Variants in CDH13 observed in about 807,000 individuals in gnomAD.
The protein encoded by CDH13 is cadherin 13.
In CDH13, 24 loss-of-function variants were observed where a neutral mutation model predicts 63.8. The ratio of observed to expected loss-of-function variants is 0.38; its 90% CI spans 0.27 to 0.53. The LOEUF (loss-of-function observed/expected upper bound fraction) is 0.53, where lower values mean the gene tolerates loss of function less well. Among genes scored for constraint, CDH13 ranks in the 20% least tolerant of loss-of-function variants. The pLI, the probability that CDH13 is intolerant of heterozygous loss-of-function variation, is 0.85. For missense variants in CDH13, 1,049 were observed against 903.1 expected (o/e 1.16, Z -2.07); for synonymous variants, 503 against 355.3 (o/e 1.42, Z -4.67).
At chr16:82,845,104 G>C (rs1216802120) in intron 1 of CDH13, among the ~76,000 whole-genome samples, 1 of 152,140 alleles carries the variant, frequency 6.6e-6, no homozygotes, top group Non-Finnish European at 1.5e-5. Context: ...CAGGAAGCAG[G>C]AGTAAGGAAG....
At chr16:82,691,548 C>G (rs561285504) in intron 1 of CDH13, among the ~76,000 whole-genome samples, 16 of 152,258 alleles carry the variant, frequency 1.1e-4, no homozygotes, top group African/African-American at 3.4e-4. Context: ...CTCTGTCTCA[C>G]TTACTACTTG....
At chr16:83,636,233 T>C (rs1409913459) in intron 8 of CDH13, among the ~76,000 whole-genome samples, 1 of 152,238 alleles carries the variant, frequency 6.6e-6, no homozygotes, top group Non-Finnish European at 1.5e-5. Context: ...AGAGTAAGGC[T>C]TCACATCAAG....
Position 83,588,175 on chromosome 16 carries a change from C to G in CDH13, c.961-14279C>G, listed in dbSNP as rs535761282. Among the ~76,000 whole-genome samples the G allele has an allele frequency of 2.2e-4, 33 of 152,282 alleles. No individual in the cohort carries two copies. The South Asian group carries it at 6.6e-3, about 31-fold the overall frequency. On this transcript the variant is annotated intron_variant, in intron 7 of 13. Coordinates refer to ENST00000567109, the MANE Select transcript of CDH13 (RefSeq NM_001257.5). ...GCCTCCCTCTGCATAGACACCTCTC[C>G]AAAGGAGAAGGACCTTCCCTGCACA...
At chr16:82,646,634 A>G (rs1910127233) in intron 1 of CDH13, among the ~76,000 whole-genome samples, 1 of 152,202 alleles carries the variant, frequency 6.6e-6, no homozygotes, top group Admixed American at 6.5e-5. Context: ...TCTTCTATGA[A>G]GTGTGGGTTG....
At chr16:83,406,399 AC>A (rs2092045141) in intron 6 of CDH13, among the ~76,000 whole-genome samples, 1 of 148,744 alleles carries the variant, frequency 6.7e-6, no homozygotes, top group African/African-American at 2.5e-5. Flanking sequence ...TTAGAATGGA[AC>A]CCCAGCTCTC....
chr16:83,299,053 T>C (rs1407667592), intron 5 of CDH13, among the ~76,000 whole-genome samples: 1 of 152,214 alleles, frequency 6.6e-6, no homozygotes, highest in Admixed American at 6.5e-5. Flanking sequence ...GCAATGTCAG[T>C]ATATCTCCTT....
chr16:83,007,918 A>G (rs978414771), intron 2 of CDH13, among the ~76,000 whole-genome samples: 1 of 152,102 alleles, frequency 6.6e-6, no homozygotes, highest in South Asian at 2.1e-4. Context: ...TACTTGGCCA[A>G]ACAACATTAA....
chr16:83,762,324 G>T (rs376363076), intron 11 of CDH13, among the ~76,000 whole-genome samples: 1 of 152,080 alleles, frequency 6.6e-6, no homozygotes, highest in Non-Finnish European at 1.5e-5. Context: ...TCAGAGTACA[G>T]GCACTCTTTT....
intron 5 of CDH13, among the ~76,000 whole-genome samples, chr16:83,309,653 G>C (rs980392630): frequency 6.6e-6 from 1 of 152,236 alleles, no homozygotes; most frequent in African/African-American, 2.4e-5. Context: ...GGGATTACAG[G>C]CGTGAGCCGC....
intron 11 of CDH13, among the ~76,000 whole-genome samples, chr16:83,774,149 T>C (rs1049327913): frequency 6.6e-5 from 10 of 152,194 alleles, no homozygotes; most frequent in African/African-American, 2.4e-4. Flanking sequence ...TATTTTACTG[T>C]GCATGGCCGG....
Position 83,777,154 on chromosome 16 carries a change from G to T in CDH13, c.1682-2814G>T, listed in dbSNP as rs148643701. The stretch of plus-strand genomic sequence containing the variant: ...CATGGCTGGTCCGCCTGCCTGCAGG[G>T]TCTCACATTTCCTATCAATCCAATC... On this transcript the variant is annotated intron_variant, in intron 11 of 13. Coordinates refer to ENST00000567109, the MANE Select transcript of CDH13 (RefSeq NM_001257.5). Among the ~76,000 whole-genome samples the T allele has an allele frequency of 1.8e-3, 273 of 152,310 alleles. 1 individual carries two copies. The highest frequency in any genetic ancestry group is 6.4e-3 in the African/African-American group (265 of 41,564).
At chr16:83,380,582 G>T (rs2091545257) in intron 6 of CDH13, among the ~76,000 whole-genome samples, 1 of 152,196 alleles carries the variant, frequency 6.6e-6, no homozygotes, top group African/African-American at 2.4e-5. Context: ...TCTGTATAGG[G>T]CAGTCTGGAG....
chr16:83,129,833 C>G (rs957287316), intron 4 of CDH13, among the ~76,000 whole-genome samples: 3 of 152,168 alleles, frequency 2.0e-5, no homozygotes, highest in African/African-American at 7.2e-5. Context: ...GGCACTGATC[C>G]CTTCTGCTTC....
At chr16:83,595,749 G>A (rs115737160) in intron 7 of CDH13, among the ~76,000 whole-genome samples, 106 of 152,312 alleles carry the variant, frequency 7.0e-4, no homozygotes, top group African/African-American at 2.4e-3. Flanking sequence ...CTGCAAGGAC[G>A]CCTGAGCTGT....
At chr16:83,594,793 G>A (rs1345315906) in intron 7 of CDH13, among the ~76,000 whole-genome samples, 2 of 152,308 alleles carry the variant, frequency 1.3e-5, no homozygotes, top group East Asian at 1.9e-4. Context: ...TACCTGTGTG[G>A]AAGTCATTGT....
chr16:82,982,240 AT>A (rs1474033907), intron 2 of CDH13, among the ~76,000 whole-genome samples: 1 of 152,126 alleles, frequency 6.6e-6, no homozygotes, highest in African/African-American at 2.4e-5. Flanking sequence ...ATTTCTTCTT[AT>A]TTTATAAATA....
At chr16:83,727,812 C>T (rs767871087) in intron 10 of CDH13, among the ~76,000 whole-genome samples, 3 of 152,096 alleles carry the variant, frequency 2.0e-5, no homozygotes, top group African/African-American at 4.8e-5. Context: ...CAACTTTGCT[C>T]ACCAGTCACA....
rs778316746 is a variant in CDH13 at position 83,342,843 on chromosome 16, G to GTTTTT, written c.637-1999_637-1995dup. Among the ~76,000 whole-genome samples, 242 of 65,256 alleles carry GTTTTT rather than the reference G, an allele frequency of 3.7e-3. 3 individuals are homozygous for GTTTTT. Among genetic ancestry groups the GTTTTT allele is most frequent in the African/African-American group, 5.6e-3 (88 of 15,656 alleles). 42.8% of individuals were successfully genotyped at this position (65,256 alleles called of 152,430 possible). ...TTAGGCACAGTGTTTTTTTGTTTCT[G>GTTTTT]TTTTTTTTTTTTTTTTTTTTTTTTG... On this transcript the variant is annotated intron_variant, in intron 5 of 13. Coordinates refer to ENST00000567109, the MANE Select transcript of CDH13 (RefSeq NM_001257.5).
chr16:83,263,230 A>G (rs763751545), intron 5 of CDH13, among the ~76,000 whole-genome samples: 5 of 152,242 alleles, frequency 3.3e-5, no homozygotes, highest in Non-Finnish European at 5.9e-5. Context: ...ATGGGAAACA[A>G]TTAGTGAAAG....
Sources: gnomAD v4.1 joint callset for allele counts (sites outside exome capture counted in the v4.1 genomes callset) on GRCh38, gnomAD v4.1.1 for gene constraint, MANE v1.5 for transcripts, NCBI Gene and HGNC (gene_info 2026-07-23, HGNC 2026-07-21) for gene names.